CRIM1: variants seen among roughly 807,000 people sequenced by gnomAD.
The protein encoded by CRIM1 is cysteine-rich motor neuron 1 protein.
A neutral mutation model predicts 116.4 loss-of-function variants in CRIM1; 32 were observed. The ratio of observed to expected loss-of-function variants is 0.27; its 90% CI spans 0.21 to 0.37. The LOEUF (loss-of-function observed/expected upper bound fraction) is 0.37, where lower values mean the gene tolerates loss of function less well. CRIM1 is among the 10% of genes least tolerant of loss of function. The pLI is 1.00. For synonymous variants in CRIM1, 590 were observed against 509.2 expected, an observed-to-expected ratio of 1.16 and a Z score of -2.13; for missense variants, 1,331 against 1,354.8, an observed-to-expected ratio of 0.98 and a Z score of 0.28.
At chr2:36,443,960 G>A (rs1244567715) in intron 4 of CRIM1, among the ~76,000 whole-genome samples, 1 of 152,198 alleles carries the variant, frequency 6.6e-6, no homozygotes, top group Non-Finnish European at 1.5e-5. Flanking sequence ...ATTAGAATAT[G>A]ATAATTTATG....
At chr2:36,397,343 G>T (rs375679399) in intron 2 of CRIM1, among the ~76,000 whole-genome samples, 12 of 152,172 alleles carry the variant, frequency 7.9e-5, no homozygotes, top group African/African-American at 2.9e-4. Context: ...TACTGATATG[G>T]CTCATAACTT....
chr2:36,410,194 T>A (rs774241911), intron 2 of CRIM1, among the ~76,000 whole-genome samples: 22 of 152,214 alleles, frequency 1.4e-4, no homozygotes, highest in Non-Finnish European at 3.1e-4. Context: ...AAATCGAGGA[T>A]GTGTTTTTTT....
intron 1 of CRIM1, among the ~76,000 whole-genome samples, chr2:36,377,858 G>C (rs1670438900): frequency 6.6e-6 from 1 of 152,190 alleles, no homozygotes; most frequent in South Asian, 2.1e-4. Context: ...CTCCCTGGCT[G>C]CTGGCAGGGG....
chr2:36,441,112 T>A, intron 2 of CRIM1, 146 bp from the exon 3 acceptor site: 1 of 1,101,684 alleles, frequency 9.1e-7, no homozygotes, highest in Non-Finnish European at 1.3e-6. Flanking sequence ...CATTGTTAGT[T>A]AAACTAAGTT....
At chr2:36,415,610 A>G (rs2124829310) in intron 2 of CRIM1, among the ~76,000 whole-genome samples, 1 of 152,320 alleles carries the variant, frequency 6.6e-6, no homozygotes, top group African/African-American at 2.4e-5. Context: ...CTACTATTTC[A>G]GGCATGATTA....
chr2:36,539,422 G>C (rs537151207), intron 14 of CRIM1, among the ~76,000 whole-genome samples: 1 of 152,146 alleles, frequency 6.6e-6, no homozygotes, highest in Non-Finnish European at 1.5e-5. Flanking sequence ...AGGCAGCCAC[G>C]GCCAGACACA....
chr2:36,485,034 C>T (rs1282908080), intron 7 of CRIM1, among the ~76,000 whole-genome samples: 1 of 152,114 alleles, frequency 6.6e-6, no homozygotes, highest in Non-Finnish European at 1.5e-5. Flanking sequence ...TTTAAGTTTT[C>T]TTCTTAATAA....
At chr2:36,389,883 T>G (rs1189914844) in intron 1 of CRIM1, among the ~76,000 whole-genome samples, 1 of 152,172 alleles carries the variant, frequency 6.6e-6, no homozygotes, top group Non-Finnish European at 1.5e-5. Flanking sequence ...AGCTCGTTCC[T>G]GTAGCTCCTT....
chr2:36,415,205 A>G (rs1673519451), intron 2 of CRIM1, among the ~76,000 whole-genome samples: 1 of 152,120 alleles, frequency 6.6e-6, no homozygotes, highest in Non-Finnish European at 1.5e-5. Context: ...AGTTGGTACC[A>G]TTTCCTAAGA....
At chr2:36,402,285 C>T (rs546454296) in intron 2 of CRIM1, among the ~76,000 whole-genome samples, 180 of 152,272 alleles carry the variant, frequency 1.2e-3, no homozygotes, top group African/African-American at 3.8e-3. Context: ...GAAGGAAGGG[C>T]AGTCCAAACT....
At chr2:36,459,457 C>T (rs936250138) in intron 4 of CRIM1, among the ~76,000 whole-genome samples, 2 of 152,076 alleles carry the variant, frequency 1.3e-5, no homozygotes, top group Admixed American at 1.3e-4. Flanking sequence ...GGTTGGGTAC[C>T]TTTATCATTT....
intron 1 of CRIM1, among the ~76,000 whole-genome samples, chr2:36,375,701 C>G (rs556313961): frequency 6.6e-6 from 1 of 152,290 alleles, no homozygotes; most frequent in African/African-American, 2.4e-5. Flanking sequence ...CTTTCTAAGC[C>G]ACAGTATGTG....
At position 36,428,431 on chromosome 2, in the gene CRIM1, A is replaced by T. The variant is rs529303205; in HGVS notation, c.506-12827A>T. The stretch of plus-strand genomic sequence containing the variant: ...TTGTAGTTAAAGCTTCAAATCTCTA[A>T]TTCATCTTTTTTGTAGGAAGGATTA... On this transcript the variant is annotated intron_variant, in intron 2 of 16. Coordinates refer to ENST00000280527, the MANE Select transcript of CRIM1 (RefSeq NM_016441.3). Among the ~76,000 whole-genome samples the T allele has an allele frequency of 1.6e-4, 24 of 152,334 alleles. No homozygotes were observed. In the South Asian group the frequency reaches 5.0e-3, roughly 32 times the overall value.
At chr2:36,410,910 C>G (rs560455003) in intron 2 of CRIM1, among the ~76,000 whole-genome samples, 4 of 152,304 alleles carry the variant, frequency 2.6e-5, no homozygotes, top group African/African-American at 9.6e-5. Context: ...GAACTTGGGA[C>G]TTGTTCCATG....
rs144614667 is a variant in CRIM1, at chr2:36,426,167, A to G, written c.506-15091A>G. ...AAAAGCCGGCATGCTGTATTTGGCA[A>G]TAGATTGAATCTCTGAAATGCATAG... On this transcript the variant is annotated intron_variant, in intron 2 of 16. Coordinates refer to ENST00000280527, the MANE Select transcript of CRIM1 (RefSeq NM_016441.3). Among the ~76,000 whole-genome samples, 414 of 152,298 alleles carry G rather than the reference A, an allele frequency of 2.7e-3. 3 individuals carry two copies. The highest frequency in any genetic ancestry group is 8.2e-3 in the African/African-American group (340 of 41,524).
chr2:36,525,642 C>G (rs750019446), intron 13 of CRIM1, among the ~76,000 whole-genome samples: 2 of 152,174 alleles, frequency 1.3e-5, no homozygotes, highest in African/African-American at 2.4e-5. Context: ...ATCATCTATT[C>G]TCAGGATCTT....
Position 36,540,966 on chromosome 2 carries a change from A to G in CRIM1, c.2624-3410A>G, listed in dbSNP as rs145326088. ...AGTGACTTCTCAGTTAAGATTTACT[A>G]TTGGGTTGAAATTTAATTTCTGTTA... On this transcript the variant is annotated intron_variant, in intron 14 of 16. Coordinates refer to ENST00000280527, the MANE Select transcript of CRIM1 (RefSeq NM_016441.3). Among the ~76,000 whole-genome samples, 87 of 152,316 alleles carry G rather than the reference A, an allele frequency of 5.7e-4. 1 individual carries two copies. Among genetic ancestry groups the G allele is most frequent in the African/African-American group, 2.0e-3 (83 of 41,578 alleles).
chr2:36,536,804 GA>G (rs3836074), intron 13 of CRIM1, among the ~76,000 whole-genome samples: 1 of 151,812 alleles, frequency 6.6e-6, no homozygotes, highest in Non-Finnish European at 1.5e-5. Flanking sequence ...TTTTCTGGGG[GA>G]AAAAAATGGA....
chr2:36,482,113 C>T (rs746401308), intron 7 of CRIM1, among the ~76,000 whole-genome samples: 47 of 152,236 alleles, frequency 3.1e-4, no homozygotes, highest in Middle Eastern at 3.4e-3. Context: ...GTCATTTCAG[C>T]GGTAAAGTTC....
Sources: gnomAD v4.1 joint callset for allele counts (sites outside exome capture counted in the v4.1 genomes callset) on GRCh38, gnomAD v4.1.1 for gene constraint, MANE v1.5 for transcripts, NCBI Gene and HGNC (gene_info 2026-07-23, HGNC 2026-07-21) for gene names.